DOCK8: variants seen among roughly 807,000 people sequenced by gnomAD.
DOCK8 encodes dedicator of cytokinesis 8.
Under a neutral mutation model 245.6 loss-of-function variants are expected in DOCK8, and 141 were observed. That is an observed-to-expected ratio of 0.57 (90% CI 0.50 to 0.66). DOCK8 has a LOEUF of 0.66. Among genes scored for constraint, DOCK8 ranks in the 30% least tolerant of loss-of-function variants. The probability of loss-of-function intolerance (pLI) is 0.00; values close to 1 mark genes in which losing one functional copy is unlikely to be tolerated. For missense variants in DOCK8, 2,965 were observed against 2,603.4 expected (o/e 1.14, Z -3.02); for synonymous variants, 1,168 against 970.2 (o/e 1.20, Z -3.79).
At chr9:250,732 G>A (rs2047624730) in intron 1 of DOCK8, among the ~76,000 whole-genome samples, 1 of 152,186 alleles carries the variant, frequency 6.6e-6, no homozygotes, top group Non-Finnish European at 1.5e-5. Context: ...ATAATCCCAG[G>A]GAGGAGTTTC....
chr9:274,183 G>C (rs998326121), intron 2 of DOCK8, among the ~76,000 whole-genome samples: 10 of 152,194 alleles, frequency 6.6e-5, no homozygotes, highest in African/African-American at 2.2e-4. Context: ...TAGCCGGGTA[G>C]TGACGTTAAC....
intron 1 of DOCK8, among the ~76,000 whole-genome samples, chr9:255,535 G>A (rs1028914400): frequency 1.3e-5 from 2 of 151,872 alleles, no homozygotes; most frequent in African/African-American, 2.4e-5. Context: ...AGGCGTGGTG[G>A]CACTTGCCTG....
chr9:463,661 A>G lies in DOCK8; in HGVS notation c.6213A>G (p.Pro2071=). The change falls in exon 47 of 48, where the codon CCA becomes CCG. Residue 2071 remains proline (P), a synonymous_variant. Transcript: ENST00000432829. ...IERKIPELYK[P]IFRVESQKRD... ...GGAAAATTCCAGAACTGTACAAGCC[A>G]ATATTCAGAGTTGAGAGTCAAAAGA... 1 of 1,613,866 alleles carries G rather than the reference A, an allele frequency of 6.2e-7. No homozygotes were observed.
chr9:385,922 A>C (rs1383859707), intron 22 of DOCK8, among the ~76,000 whole-genome samples: 2 of 152,182 alleles, frequency 1.3e-5, no homozygotes, highest in Admixed American at 1.3e-4. Context: ...TGAGCACTCC[A>C]CTTCCCTTCA....
intron 1 of DOCK8, among the ~76,000 whole-genome samples, chr9:217,972 G>A (rs1395316468): frequency 6.6e-6 from 1 of 152,132 alleles, no homozygotes; most frequent in Non-Finnish European, 1.5e-5. Context: ...TTCCTTTAAA[G>A]CAAGAGGGGA....
chr9:265,843 C>A (rs904625422), intron 1 of DOCK8, among the ~76,000 whole-genome samples: 7 of 152,262 alleles, frequency 4.6e-5, no homozygotes, highest in Admixed American at 2.6e-4. Context: ...CAGGACTATA[C>A]AGCCCAGCCC....
chr9:367,458 C>A (rs1337174611), intron 14 of DOCK8, among the ~76,000 whole-genome samples: 2 of 152,078 alleles, frequency 1.3e-5, no homozygotes, highest in African/African-American at 4.8e-5. Context: ...TAGCCTAGTA[C>A]CTGTCCTATA....
intron 26 of DOCK8, among the ~76,000 whole-genome samples, chr9:400,995 C>CACCATCACCTCCTCCACCAT (rs1564017193): frequency 1.8e-5 from 1 of 54,636 alleles, no homozygotes; most frequent in Non-Finnish European, 2.9e-5. Context: ...TCCTCCACCA[C>CACCATCACCTCCTCCACCAT]CACCACCATT....
intron 14 of DOCK8, among the ~76,000 whole-genome samples, chr9:351,024 A>G (rs377731615): frequency 8.5e-5 from 13 of 152,304 alleles, no homozygotes; most frequent in Middle Eastern, 3.4e-3. Context: ...CCGATTGACA[A>G]TTAGCCTAGT....
intron 5 of DOCK8, among the ~76,000 whole-genome samples, chr9:309,370 G>T (rs1010700909): frequency 1.3e-5 from 2 of 152,134 alleles, no homozygotes; most frequent in Non-Finnish European, 2.9e-5. Flanking sequence ...TTGTGAGGTA[G>T]ATGTCACAAA....
intron 1 of DOCK8, among the ~76,000 whole-genome samples, chr9:230,827 A>G (rs2047098404): frequency 6.6e-6 from 1 of 152,100 alleles, no homozygotes; most frequent in Non-Finnish European, 1.5e-5. Context: ...GTAGGTTGCA[A>G]AAATTTTCTC....
rs1485799820 is a variant in DOCK8 at position 401,073 on chromosome 9, T to TCACCACTACCCACCTCCAC, written c.3234+1820_3234+1821insTACCCACCTCCACCACCAC. On this transcript the variant is annotated intron_variant, in intron 26 of 47. Transcript: ENST00000432829. ...TCCACCATCATCATTGTCACCATCA[T>TCACCACTACCCACCTCCAC]CACCACCACCACCTCCACCACCATC... is the stretch of plus-strand genomic sequence containing the variant. Among the ~76,000 whole-genome samples, 8 of 3,422 alleles carry TCACCACTACCCACCTCCAC rather than the reference T, an allele frequency of 2.3e-3. No homozygotes were observed. The African/African-American group carries it at 0.027, about 12-fold the overall frequency. 2.2% of individuals were successfully genotyped at this position (3,422 alleles called of 152,430 possible). A position where few individuals can be genotyped will look rare whatever the true frequency, so the allele number is the denominator to read the frequency against.
intron 4 of DOCK8, among the ~76,000 whole-genome samples, chr9:300,913 T>C (rs891253456): frequency 6.6e-5 from 10 of 152,068 alleles, no homozygotes; most frequent in Admixed American, 2.0e-4. Context: ...ATACCAGATA[T>C]ACAAAGAAGA....
At chr9:294,692 T>G (rs971892657) in intron 4 of DOCK8, among the ~76,000 whole-genome samples, 1 of 152,252 alleles carries the variant, frequency 6.6e-6, no homozygotes, top group African/African-American at 2.4e-5. Context: ...CATAGCAGTT[T>G]TATTTGTAAT....
At chr9:269,813 C>T (rs913602751) in intron 1 of DOCK8, among the ~76,000 whole-genome samples, 7 of 152,102 alleles carry the variant, frequency 4.6e-5, no homozygotes, top group Non-Finnish European at 8.8e-5. Context: ...CCACTTCAGC[C>T]CCCCAAAATG....
intron 1 of DOCK8, among the ~76,000 whole-genome samples, chr9:245,780 G>A (rs535088158): frequency 6.6e-6 from 1 of 152,276 alleles, no homozygotes; most frequent in East Asian, 1.9e-4. Context: ...CATAATTCCA[G>A]GTCATTGGCA....
At chr9:216,200 G>A (rs896420508) in intron 1 of DOCK8, among the ~76,000 whole-genome samples, 2 of 151,882 alleles carry the variant, frequency 1.3e-5, no homozygotes, top group Non-Finnish European at 2.9e-5. Flanking sequence ...TATGTATATT[G>A]CATATTAATG....
chr9:336,857 A>G, intron 12 of DOCK8, 139 bp downstream of exon 12: 1 of 1,071,100 alleles, frequency 9.3e-7, no homozygotes, highest in Non-Finnish European at 1.4e-6. Context: ...TGCTGCTTAT[A>G]ATAGAGTATC....
At chr9:327,828 C>T (rs552643279) in intron 8 of DOCK8, among the ~76,000 whole-genome samples, 194 bp from the exon 9 acceptor site, 76 of 152,294 alleles carry the variant, frequency 5.0e-4, no homozygotes, top group Non-Finnish European at 8.5e-4. Context: ...TCTCAAATGG[C>T]TCCAGAATAC....
Sources: allele counts gnomAD v4.1 joint callset (sites outside exome capture counted in the v4.1 genomes callset), GRCh38; gene constraint gnomAD v4.1.1; transcripts MANE v1.5; gene names NCBI Gene and HGNC (gene_info 2026-07-23, HGNC 2026-07-21).